Variants in INPP4B observed in about 807,000 individuals in gnomAD.
The protein encoded by INPP4B is inositol polyphosphate-4-phosphatase type II B.
In INPP4B, 55 loss-of-function variants were observed where a neutral mutation model predicts 122.5. The observed-to-expected ratio is 0.45, with a 90% CI of 0.36 to 0.56. The LOEUF (loss-of-function observed/expected upper bound fraction) is 0.56. Among genes scored for constraint, INPP4B ranks in the 20% least tolerant of loss-of-function variants. The pLI is 0.00. For missense variants in INPP4B, 1,000 were observed against 1,097.7 expected, an observed-to-expected ratio of 0.91 and a Z score of 1.26; for synonymous variants, 403 against 388.7, an observed-to-expected ratio of 1.04 and a Z score of -0.43.
chr4:142,264,250 T>C (rs1306881651), intron 10 of INPP4B, among the ~76,000 whole-genome samples: 1 of 152,162 alleles, frequency 6.6e-6, no homozygotes, highest in Non-Finnish European at 1.5e-5. Context: ...ATCCAGGTGA[T>C]AGACAACATT....
intron 3 of INPP4B, among the ~76,000 whole-genome samples, chr4:142,439,034 T>C (rs917060962): frequency 1.3e-5 from 2 of 152,164 alleles, no homozygotes; most frequent in Non-Finnish European, 2.9e-5. Context: ...CTCAGATGTC[T>C]CATCAAGAGA....
At chr4:142,351,131 G>C (rs539596929) in intron 7 of INPP4B, among the ~76,000 whole-genome samples, 4 of 152,104 alleles carry the variant, frequency 2.6e-5, no homozygotes, top group Admixed American at 2.6e-4. Flanking sequence ...ATGGCTTTCA[G>C]AGATACTAGA....
chr4:142,069,960 G>A (rs4334825), intron 25 of INPP4B, among the ~76,000 whole-genome samples: 8,712 of 151,996 alleles, frequency 0.057, 270 homozygotes, highest in Middle Eastern at 0.095. Flanking sequence ...AAGAAAAAGA[G>A]GGAATCCTCC....
chr4:142,808,303 G>A (rs1779099750), intron 1 of INPP4B, among the ~76,000 whole-genome samples: 1 of 150,558 alleles, frequency 6.6e-6, no homozygotes, highest in South Asian at 2.1e-4. Context: ...GTTTTTAAAT[G>A]GACAGTAAAA....
At chr4:142,261,500 A>G (rs1739980444) in intron 10 of INPP4B, among the ~76,000 whole-genome samples, 1 of 152,124 alleles carries the variant, frequency 6.6e-6, no homozygotes, top group Non-Finnish European at 1.5e-5. Context: ...ATACACACAA[A>G]AATTGCAGAA....
chr4:142,770,789 G>T (rs1279773089), intron 1 of INPP4B, among the ~76,000 whole-genome samples: 1 of 151,998 alleles, frequency 6.6e-6, no homozygotes, highest in Admixed American at 6.6e-5. Context: ...TGTGGTATCC[G>T]CTTCCAAGGG....
chr4:142,064,119 C>A lies in INPP4B; in HGVS notation c.2642+17912G>T, dbSNP rs1251608888. Among the ~76,000 whole-genome samples the A allele has an allele frequency of 7.2e-5, 11 of 152,134 alleles. No homozygotes were observed. The East Asian group carries it at 7.7e-4, about 11-fold the overall frequency. On this transcript the variant is annotated intron_variant, in intron 25 of 25. Coordinates refer to ENST00000262992, the MANE Select transcript of INPP4B (RefSeq NM_001101669.3). Reference sequence around the variant, plus strand: ...ATTTCTGTGTACTATAATAATTCAACCTTCAAGACTAAATCCTTGCTACAA... The same window carrying A: ...ATTTCTGTGTACTATAATAATTCAAACTTCAAGACTAAATCCTTGCTACAA...
rs1224084074 is a variant in INPP4B at position 142,270,731 on chromosome 4, C to T, written c.547G>A (p.Val183Ile). 2 of 1,614,046 alleles carry T rather than the reference C, an allele frequency of 1.2e-6. No individual in the cohort carries two copies. The highest frequency in any genetic ancestry group is 1.7e-6 in the Non-Finnish European group (2 of 1,179,946). ...GKVVGTIEVS[V>I]VKMGEIEDGE... ...TCCTCAATCTCCCCCATCTTCACGA[C>T]ACTGACTTCTATGGTGCCAACCACT... The change falls in exon 10 of 26, where the codon GTC (valine) becomes ATC (isoleucine). Residue 183 changes from valine to isoleucine, a missense_variant. By Grantham distance (29) the Val-to-Ile change is conservative (BLOSUM62 3). Transcript: ENST00000262992.
At chr4:142,200,268 T>A (rs913458699) in intron 14 of INPP4B, among the ~76,000 whole-genome samples, 9 of 151,900 alleles carry the variant, frequency 5.9e-5, no homozygotes, top group Non-Finnish European at 1.3e-4. Flanking sequence ...CCTATTCTAT[T>A]AAAAAAAATT....
At chr4:142,629,726 T>C (rs2150415368) in intron 2 of INPP4B, among the ~76,000 whole-genome samples, 1 of 152,178 alleles carries the variant, frequency 6.6e-6, no homozygotes, top group Non-Finnish European at 1.5e-5. Flanking sequence ...AATAGTAAAA[T>C]ACAATGTTGG....
intron 2 of INPP4B, among the ~76,000 whole-genome samples, chr4:142,634,217 T>C (rs1231250769): frequency 2.6e-5 from 4 of 152,018 alleles, no homozygotes; most frequent in Non-Finnish European, 5.9e-5. Flanking sequence ...TAATAAAAAC[T>C]CCAGATTTAG....
intron 2 of INPP4B, among the ~76,000 whole-genome samples, chr4:142,590,429 A>C (rs1002231914): frequency 6.6e-6 from 1 of 152,176 alleles, no homozygotes; most frequent in Non-Finnish European, 1.5e-5. Flanking sequence ...AGACAAAAGG[A>C]TCTGTACATA....
intron 2 of INPP4B, among the ~76,000 whole-genome samples, chr4:142,653,827 C>T (rs1386175317): frequency 6.6e-6 from 1 of 152,154 alleles, no homozygotes; most frequent in African/African-American, 2.4e-5. Flanking sequence ...CCTCAAGGAT[C>T]TAGAACTAGA....
intron 1 of INPP4B, among the ~76,000 whole-genome samples, chr4:142,779,067 G>A (rs867268031): frequency 1.3e-5 from 2 of 151,926 alleles, no homozygotes; most frequent in Non-Finnish European, 2.9e-5. Flanking sequence ...CTTTCCATAT[G>A]CATAAATAGT....
At chr4:142,715,796 AC>A (rs1763683597) in intron 2 of INPP4B, among the ~76,000 whole-genome samples, 4 of 152,302 alleles carry the variant, frequency 2.6e-5, no homozygotes, top group Admixed American at 1.3e-4. Context: ...TTAGGCTGGG[AC>A]CATGGGGAGA....
intron 17 of INPP4B, among the ~76,000 whole-genome samples, chr4:142,159,988 T>C (rs1159680387): frequency 3.3e-5 from 5 of 152,026 alleles, no homozygotes; most frequent in Admixed American, 6.6e-5. Flanking sequence ...ATTGCAACAA[T>C]GAAAATACTT....
intron 25 of INPP4B, among the ~76,000 whole-genome samples, chr4:142,051,438 C>T (rs2152393116): frequency 6.6e-6 from 1 of 151,896 alleles, no homozygotes; most frequent in African/African-American, 2.4e-5. Flanking sequence ...CTAAGTGAGA[C>T]TTCTGGGAGC....
intron 9 of INPP4B, among the ~76,000 whole-genome samples, chr4:142,302,078 GT>G (rs1357882188): frequency 1.3e-5 from 2 of 152,146 alleles, no homozygotes; most frequent in African/African-American, 4.8e-5. Context: ...ATTGTCAGGT[GT>G]TTTGGCAGCA....
intron 2 of INPP4B, chr4:142,467,840 T>C (rs1468158072): frequency 6.6e-6 from 1 of 152,154 alleles, no homozygotes; most frequent in Non-Finnish European, 1.5e-5. Context: ...GGATCCGTCA[T>C]GAATGGCTTA....
Sources: gnomAD v4.1 joint callset for allele counts (sites outside exome capture counted in the v4.1 genomes callset) on GRCh38, gnomAD v4.1.1 for gene constraint, MANE v1.5 for transcripts, NCBI Gene and HGNC (gene_info 2026-07-23, HGNC 2026-07-21) for gene names.